IGSF11: variants seen among roughly 807,000 people sequenced by gnomAD.
The protein encoded by IGSF11 is CXADR like 1.
In IGSF11, 22 loss-of-function variants were observed where a neutral mutation model predicts 41.0. The ratio of observed to expected loss-of-function variants is 0.54; its 90% CI spans 0.38 to 0.77. IGSF11 has a LOEUF of 0.77. Ranked by LOEUF, IGSF11 falls within the 30% of genes least tolerant of loss-of-function variation. The pLI, the probability that IGSF11 is intolerant of heterozygous loss-of-function variation, is 0.00. For synonymous variants in IGSF11, 219 were observed against 201.3 expected (o/e 1.09, Z -0.74); for missense variants, 444 against 530.8 (o/e 0.84, Z 1.61).
chr3:118,951,205 C>T (rs572541890), intron 1 of IGSF11, among the ~76,000 whole-genome samples: 1 of 152,268 alleles, frequency 6.6e-6, no homozygotes, highest in African/African-American at 2.4e-5. Flanking sequence ...TGACAGATAG[C>T]ACAGCTTTAA....
chr3:119,081,748 C>T (rs1196145440), intron 1 of IGSF11, among the ~76,000 whole-genome samples: 1 of 152,138 alleles, frequency 6.6e-6, no homozygotes, highest in Non-Finnish European at 1.5e-5. Context: ...CTCACACCTC[C>T]TTGTGAATGG....
chr3:119,142,509 C>G (rs1226062769), intron 1 of IGSF11, among the ~76,000 whole-genome samples: 1 of 151,882 alleles, frequency 6.6e-6, no homozygotes, highest in Admixed American at 6.6e-5. Flanking sequence ...TAAAAATGTT[C>G]AAAGAGCTAG....
intron 1 of IGSF11, among the ~76,000 whole-genome samples, chr3:119,141,726 T>C (rs1325862971): frequency 2.0e-5 from 3 of 151,380 alleles, no homozygotes; most frequent in African/African-American, 7.3e-5. Flanking sequence ...AAGGCTTAAA[T>C]ATCAAAACTA....
intron 1 of IGSF11, among the ~76,000 whole-genome samples, chr3:119,110,883 G>GA (rs1330603004): frequency 6.6e-6 from 1 of 151,608 alleles, no homozygotes; most frequent in African/African-American, 2.4e-5. Flanking sequence ...ATTCTGGGTT[G>GA]AAAATTCTTT....
chr3:119,020,801 T>A (rs751254171), intron 1 of IGSF11, among the ~76,000 whole-genome samples: 1 of 152,230 alleles, frequency 6.6e-6, no homozygotes, highest in Non-Finnish European at 1.5e-5. Context: ...CTATGATATA[T>A]CTATACTTCT....
intron 1 of IGSF11, among the ~76,000 whole-genome samples, chr3:119,074,948 T>C (rs887076696): frequency 2.0e-5 from 3 of 151,842 alleles, no homozygotes; most frequent in African/African-American, 7.3e-5. Flanking sequence ...AGCAAACCAA[T>C]ACCAATGCTG....
chr3:118,981,508 AGGAAG>A (rs138069515), intron 1 of IGSF11, among the ~76,000 whole-genome samples: 3,662 of 152,268 alleles, frequency 0.024, 76 homozygotes, highest in East Asian at 0.065. Flanking sequence ...TCATATCAGA[AGGAAG>A]GGTAAGTCAT....
At chr3:119,055,550 T>C (rs957685399) in intron 1 of IGSF11, among the ~76,000 whole-genome samples, 12 of 152,148 alleles carry the variant, frequency 7.9e-5, no homozygotes, top group Non-Finnish European at 1.8e-4. Flanking sequence ...CTGTCAACAT[T>C]AGACAGAACA....
At chr3:119,098,698 T>TA (rs1351212140) in intron 1 of IGSF11, among the ~76,000 whole-genome samples, 1 of 152,238 alleles carries the variant, frequency 6.6e-6, no homozygotes, top group African/African-American at 2.4e-5. Flanking sequence ...AAAATATGTT[T>TA]TTTAAATTAA....
intron 1 of IGSF11, among the ~76,000 whole-genome samples, chr3:118,961,151 T>A (rs573242613): frequency 6.6e-6 from 1 of 152,226 alleles, no homozygotes; most frequent in Non-Finnish European, 1.5e-5. Flanking sequence ...CCAGCTGATG[T>A]CCCTAGGCAT....
At chr3:119,031,671 T>A (rs529299598) in intron 1 of IGSF11, among the ~76,000 whole-genome samples, 1 of 152,338 alleles carries the variant, frequency 6.6e-6, no homozygotes, top group African/African-American at 2.4e-5. Flanking sequence ...ATAGTCCATG[T>A]TGAATATATA....
chr3:118,967,075 T>C (rs1313752730), intron 1 of IGSF11, among the ~76,000 whole-genome samples: 1 of 152,130 alleles, frequency 6.6e-6, no homozygotes, highest in Non-Finnish European at 1.5e-5. Context: ...AATTTAAATA[T>C]ATTGTTATAT....
At chr3:118,984,594 C>G (rs1398886381) in intron 1 of IGSF11, among the ~76,000 whole-genome samples, 3 of 151,980 alleles carry the variant, frequency 2.0e-5, no homozygotes, top group Non-Finnish European at 4.4e-5. Context: ...GGAGCCAGAA[C>G]AGAATGGCTG....
chr3:118,973,993 C>T (rs899535094), intron 1 of IGSF11, among the ~76,000 whole-genome samples: 1 of 152,060 alleles, frequency 6.6e-6, no homozygotes, highest in Non-Finnish European at 1.5e-5. Flanking sequence ...ATAGCTATTG[C>T]ACGTGGGGCT....
At chr3:118,934,634 AC>A (rs1943103004) in intron 1 of IGSF11, among the ~76,000 whole-genome samples, 1 of 152,164 alleles carries the variant, frequency 6.6e-6, no homozygotes, top group Non-Finnish European at 1.5e-5. Flanking sequence ...CCTCAAAGGC[AC>A]CTCAAAAGTG....
Position 118,931,828 on chromosome 3 carries a change from G to A in IGSF11, c.53-1553C>T, listed in dbSNP as rs138885696. On this transcript the variant is annotated intron_variant, in intron 1 of 6. Transcript: ENST00000393775. The stretch of plus-strand genomic sequence containing the variant: ...GCTCACTGCAAGCTCTGCCTCCCAG[G>A]TTCATGCCATTCTCCTGCCTCAGCC... 9.2e-3 allele frequency among the ~76,000 whole-genome samples: 1,397 copies of A among 151,596 alleles called. 7 individuals are homozygous for A. The highest frequency in any genetic ancestry group is 0.015 in the Non-Finnish European group (1,025 of 67,960).
intron 1 of IGSF11, among the ~76,000 whole-genome samples, chr3:119,131,811 G>T (rs1259856852): frequency 6.6e-6 from 1 of 152,206 alleles, no homozygotes; most frequent in Non-Finnish European, 1.5e-5. Flanking sequence ...GGAAGATCAG[G>T]TTACCTACAA....
chr3:119,050,619 C>T (rs561992333), intron 1 of IGSF11, among the ~76,000 whole-genome samples: 456 of 152,020 alleles, frequency 3.0e-3, no homozygotes, highest in African/African-American at 0.01. Context: ...CTAGAAATAC[C>T]ATTTGACCCA....
intron 1 of IGSF11, among the ~76,000 whole-genome samples, chr3:118,933,632 G>C (rs999278391): frequency 4.6e-5 from 7 of 152,046 alleles, no homozygotes; most frequent in African/African-American, 4.8e-5. Context: ...CTAGGAAGTG[G>C]TAAGGTCTGG....
Sources: allele counts gnomAD v4.1 joint callset (sites outside exome capture counted in the v4.1 genomes callset), GRCh38; gene constraint gnomAD v4.1.1; transcripts MANE v1.5; gene names NCBI Gene and HGNC (gene_info 2026-07-23, HGNC 2026-07-21).